Variants in GAS2 observed in about 807,000 individuals in gnomAD.
The protein encoded by GAS2 is growth arrest-specific protein 2.
Under a neutral mutation model 37.5 loss-of-function variants are expected in GAS2, and 20 were observed. The observed-to-expected ratio is 0.53, with a 90% CI of 0.37 to 0.77. GAS2 has a LOEUF of 0.77. GAS2 is among the 30% of genes least tolerant of loss of function. The probability of loss-of-function intolerance (pLI) is 0.00; values close to 1 mark genes in which losing one functional copy is unlikely to be tolerated. For missense variants in GAS2, 336 were observed against 373.4 expected (o/e 0.90, Z 0.82); for synonymous variants, 144 against 132.2 (o/e 1.09, Z -0.61).
chr11:22,661,234 T>C (rs938389033), intron 1 of GAS2, among the ~76,000 whole-genome samples: 1 of 152,210 alleles, frequency 6.6e-6, no homozygotes, highest in African/African-American at 2.4e-5. Flanking sequence ...CTCCATTTAA[T>C]TTTCCTTTGA....
chr11:22,630,301 G>C (rs181353832), intron 1 of GAS2, among the ~76,000 whole-genome samples: 1 of 152,190 alleles, frequency 6.6e-6, no homozygotes, highest in East Asian at 1.9e-4. Flanking sequence ...TGTGATGTTT[G>C]GTTTTTTGTT....
At chr11:22,787,298 G>A (rs891680190) in intron 7 of GAS2, among the ~76,000 whole-genome samples, 2 of 152,118 alleles carry the variant, frequency 1.3e-5, no homozygotes, top group Non-Finnish European at 2.9e-5. Flanking sequence ...TGCAAAGGGA[G>A]AAAGCAAATA....
chr11:22,648,873 T>C (rs911740580), intron 1 of GAS2, among the ~76,000 whole-genome samples: 19 of 152,166 alleles, frequency 1.2e-4, no homozygotes, highest in African/African-American at 4.6e-4. Flanking sequence ...CAGGGACAAT[T>C]TGACTTCATC....
intron 3 of GAS2, among the ~76,000 whole-genome samples, chr11:22,689,654 G>C (rs771260522): frequency 7.2e-5 from 11 of 152,220 alleles, no homozygotes; most frequent in Non-Finnish European, 1.5e-4. Context: ...TTATGAGATT[G>C]TAAGCATGTT....
chr11:22,651,492 T>C (rs1366136500), intron 1 of GAS2, among the ~76,000 whole-genome samples: 1 of 152,236 alleles, frequency 6.6e-6, no homozygotes, highest in Non-Finnish European at 1.5e-5. Context: ...GAAATTCTCC[T>C]GGATAATATC....
chr11:22,720,657 AC>A (rs1170640994), intron 3 of GAS2, among the ~76,000 whole-genome samples: 1 of 151,950 alleles, frequency 6.6e-6, no homozygotes. Context: ...CACTCTATAT[AC>A]CCTTTGGAAA....
chr11:22,792,700 GC>G (rs1856228339), intron 7 of GAS2, among the ~76,000 whole-genome samples: 2 of 152,188 alleles, frequency 1.3e-5, no homozygotes, highest in South Asian at 4.1e-4. Context: ...CCTCTGGGTG[GC>G]CCCATGGAAC....
At chr11:22,663,597 T>C (rs1345139730), upstream of GAS2, among the ~76,000 whole-genome samples, 4 of 152,194 alleles carry the variant, frequency 2.6e-5, no homozygotes, top group African/African-American at 9.7e-5. Context: ...TGTTGTGTTG[T>C]ACTTAAAAAG....
intron 7 of GAS2, among the ~76,000 whole-genome samples, chr11:22,765,251 C>T (rs371150613): frequency 9.0e-4 from 137 of 152,022 alleles, no homozygotes; most frequent in African/African-American, 2.7e-3. Context: ...CATACACGTA[C>T]AAAAAATATA....
intron 1 of GAS2, among the ~76,000 whole-genome samples, chr11:22,628,503 A>C (rs980570702): frequency 6.6e-6 from 1 of 152,228 alleles, no homozygotes; most frequent in Admixed American, 6.5e-5. Context: ...TAAATTGGGA[A>C]AGAAAAAGGC....
chr11:22,755,615 C>G, intron 6 of GAS2: 1 of 371,294 alleles, frequency 2.7e-6, no homozygotes, highest in Non-Finnish European at 4.9e-6. Flanking sequence ...AGCATCATCA[C>G]TGTCATTAGC....
chr11:22,703,403 GA>G lies in GAS2; in HGVS notation c.267+17618del, dbSNP rs558713433. On this transcript the variant is annotated intron_variant, in intron 3 of 7. Coordinates refer to ENST00000454584, the MANE Select transcript of GAS2 (RefSeq NM_001143830.3). ...CAGAAAAAGTCACTCTCACCCTATGGAAAATGGAGAATTAATTATTTTAAAA... is the reference window on the plus strand; with the variant it reads ...CAGAAAAAGTCACTCTCACCCTATGGAAATGGAGAATTAATTATTTTAAAA... Among the ~76,000 whole-genome samples the G allele has an allele frequency of 1.2e-4, 18 of 152,264 alleles. No individual in the cohort carries two copies. In the South Asian group the frequency reaches 3.7e-3, roughly 32 times the overall value.
intron 7 of GAS2, among the ~76,000 whole-genome samples, chr11:22,789,638 A>G: frequency 6.8e-6 from 1 of 146,488 alleles, no homozygotes; most frequent in East Asian, 2.0e-4. Context: ...GTTTTTTTGT[A>G]TTTTTTTTAG....
intron 2 of GAS2, 124 bp from the exon 3 acceptor site, chr11:22,685,544 C>A: frequency 1.1e-6 from 1 of 937,618 alleles, no homozygotes; most frequent in South Asian, 1.9e-5. Flanking sequence ...CTGGTAAGCT[C>A]CTATCCCAGT....
intron 5 of GAS2, among the ~76,000 whole-genome samples, chr11:22,745,836 A>ATATTCTCAGTATCAC (rs1443294564): frequency 6.6e-6 from 1 of 152,156 alleles, no homozygotes; most frequent in Non-Finnish European, 1.5e-5. Context: ...ACATACAAAA[A>ATATTCTCAGTATCAC]TATTCTCAGT....
chr11:22,731,540 T>C (rs954097251), intron 4 of GAS2: 1 of 164,520 alleles, frequency 6.1e-6, no homozygotes, highest in Non-Finnish European at 1.3e-5. Context: ...CTACAAATTT[T>C]TTTTTGTTTT....
At chr11:22,641,350 A>C (rs947343392) in intron 1 of GAS2, among the ~76,000 whole-genome samples, 1 of 146,238 alleles carries the variant, frequency 6.8e-6, no homozygotes, top group African/African-American at 2.5e-5. Flanking sequence ...ATATGTCTTT[A>C]TATATATTTT....
chr11:22,745,117 C>CGAA (rs1853311466), intron 5 of GAS2, among the ~76,000 whole-genome samples: 1 of 16,828 alleles, frequency 5.9e-5, no homozygotes, highest in Non-Finnish European at 2.2e-4. Context: ...TCATTTGGAA[C>CGAA]CAAAAAAAAA....
At chr11:22,656,300 T>C (rs1848854560) in intron 1 of GAS2, among the ~76,000 whole-genome samples, 1 of 152,164 alleles carries the variant, frequency 6.6e-6, no homozygotes, top group African/African-American at 2.4e-5. Flanking sequence ...ATGAAGGGAA[T>C]TGGGTAACTT....
Sources: gnomAD v4.1 joint callset for allele counts (sites outside exome capture counted in the v4.1 genomes callset) on GRCh38, gnomAD v4.1.1 for gene constraint, MANE v1.5 for transcripts, NCBI Gene and HGNC (gene_info 2026-07-23, HGNC 2026-07-21) for gene names.